The following WWOX variants were observed in gnomAD, a reference collection of about 807,000 sequenced individuals.
WWOX encodes WW domain-containing oxidoreductase.
Under a neutral mutation model 46.2 loss-of-function variants are expected in WWOX, and 69 were observed. The ratio of observed to expected loss-of-function variants is 1.49; its 90% CI spans 1.23 to 1.82. The LOEUF (loss-of-function observed/expected upper bound fraction) is 1.82. WWOX is among the 40% of genes most tolerant of loss of function. WWOX has a pLI of 0.00. For missense variants in WWOX, 919 were observed against 542.6 expected, an observed-to-expected ratio of 1.69 and a Z score of -6.89; for synonymous variants, 359 against 202.6, an observed-to-expected ratio of 1.77 and a Z score of -6.56.
At chr16:78,731,523 C>G (rs2048968580) in intron 8 of WWOX, among the ~76,000 whole-genome samples, 1 of 152,174 alleles carries the variant, frequency 6.6e-6, no homozygotes, top group Middle Eastern at 3.4e-3. Flanking sequence ...ATTCCTTTTT[C>G]CTTTCATTCC....
At chr16:78,566,536 C>T (rs982320715) in intron 8 of WWOX, among the ~76,000 whole-genome samples, 2 of 152,092 alleles carry the variant, frequency 1.3e-5, no homozygotes, top group African/African-American at 4.8e-5. Flanking sequence ...CAGGATGGTT[C>T]CAAGGACCAA....
At chr16:78,837,739 G>C (rs1215008427) in intron 8 of WWOX, among the ~76,000 whole-genome samples, 1 of 151,960 alleles carries the variant, frequency 6.6e-6, no homozygotes, top group East Asian at 1.9e-4. Flanking sequence ...ATTTTGACTT[G>C]GTAATTTGTA....
At chr16:78,721,162 C>G (rs914062900) in intron 8 of WWOX, among the ~76,000 whole-genome samples, 19 of 152,098 alleles carry the variant, frequency 1.2e-4, no homozygotes, top group African/African-American at 4.1e-4. Flanking sequence ...GGATATGTCC[C>G]ACAATTGGCA....
At chr16:78,187,692 T>C (rs942014274) in intron 5 of WWOX, among the ~76,000 whole-genome samples, 8 of 152,324 alleles carry the variant, frequency 5.3e-5, no homozygotes, top group African/African-American at 1.9e-4. Context: ...GGTGTGACAT[T>C]GTGTAACAGA....
chr16:78,411,598 A>C (rs1367390575), intron 6 of WWOX, among the ~76,000 whole-genome samples: 2 of 152,170 alleles, frequency 1.3e-5, no homozygotes, highest in Non-Finnish European at 2.9e-5. Flanking sequence ...TTTGTGTTTA[A>C]TTTAGCAGAC....
chr16:78,192,533 G>A (rs1371770456), intron 5 of WWOX, among the ~76,000 whole-genome samples: 1 of 150,336 alleles, frequency 6.7e-6, no homozygotes, highest in African/African-American at 2.4e-5. Context: ...AAAACAAATA[G>A]GACCCATATC....
chr16:78,818,976 T>C (rs2051419157), intron 8 of WWOX, among the ~76,000 whole-genome samples: 1 of 152,178 alleles, frequency 6.6e-6, no homozygotes, highest in Non-Finnish European at 1.5e-5. Flanking sequence ...AGCCACTTAA[T>C]CTCTCTAATC....
intron 8 of WWOX, among the ~76,000 whole-genome samples, chr16:78,600,206 G>T (rs533242098): frequency 1.3e-5 from 2 of 151,932 alleles, no homozygotes; most frequent in Admixed American, 6.6e-5. Context: ...ACGTTCCACC[G>T]GGGCCCTCCC....
chr16:78,794,096 T>G (rs1285294951), intron 8 of WWOX, among the ~76,000 whole-genome samples: 1 of 152,054 alleles, frequency 6.6e-6, no homozygotes, highest in Non-Finnish European at 1.5e-5. Flanking sequence ...TGGGGTCTTT[T>G]GGGAGATGAT....
At chr16:78,424,218 A>G (rs2151959458) in intron 6 of WWOX, among the ~76,000 whole-genome samples, 1 of 149,190 alleles carries the variant, frequency 6.7e-6, no homozygotes. Flanking sequence ...CCTGGGTTCA[A>G]GTGATTCTCC....
chr16:78,568,457 T>TA (rs1297929253), intron 8 of WWOX, among the ~76,000 whole-genome samples: 51 of 149,934 alleles, frequency 3.4e-4, no homozygotes, highest in African/African-American at 9.5e-4. Context: ...TTCTTTTTTT[T>TA]AAAAAAAAGC....
intron 8 of WWOX, among the ~76,000 whole-genome samples, chr16:79,191,154 A>C: frequency 6.6e-6 from 1 of 152,112 alleles, no homozygotes; most frequent in East Asian, 1.9e-4. Context: ...CTCGGGTTCA[A>C]GCGATTCTTC....
intron 8 of WWOX, among the ~76,000 whole-genome samples, chr16:78,797,800 C>G (rs2142635087): frequency 6.6e-6 from 1 of 152,218 alleles, no homozygotes; most frequent in Admixed American, 6.5e-5. Flanking sequence ...ACAGTCTGGG[C>G]AACATAGCAA....
intron 8 of WWOX, among the ~76,000 whole-genome samples, chr16:78,755,873 C>A (rs1415198412): frequency 6.6e-6 from 1 of 152,338 alleles, no homozygotes; most frequent in Non-Finnish European, 1.5e-5. Flanking sequence ...ATGCACCAGT[C>A]ATATCAAGAA....
chr16:78,118,825 G>A (rs1416571953), intron 4 of WWOX: 1 of 152,218 alleles, frequency 6.6e-6, no homozygotes, highest in African/African-American at 2.4e-5. Context: ...GAAGACTGTG[G>A]CAGCACATTG....
intron 8 of WWOX, among the ~76,000 whole-genome samples, chr16:78,579,669 A>G (rs558802743): frequency 6.6e-5 from 10 of 152,216 alleles, no homozygotes; most frequent in South Asian, 2.1e-4. Flanking sequence ...CTCTGTCTCT[A>G]TCACATTACC....
At chr16:78,347,501 C>G (rs1173374221) in intron 5 of WWOX, among the ~76,000 whole-genome samples, 1 of 118,038 alleles carries the variant, frequency 8.5e-6, no homozygotes, top group African/African-American at 2.9e-5. Flanking sequence ...TGCTATCCCT[C>G]CTCGACACCC....
chr16:79,059,092 A>G (rs919617588), intron 8 of WWOX, among the ~76,000 whole-genome samples: 22 of 152,246 alleles, frequency 1.4e-4, no homozygotes, highest in Non-Finnish European at 2.6e-4. Flanking sequence ...TGAAAATGAC[A>G]TTTTAAATTA....
At chr16:78,735,650 C>T (rs746061544) in intron 8 of WWOX, among the ~76,000 whole-genome samples, 11 of 152,348 alleles carry the variant, frequency 7.2e-5, no homozygotes, top group Non-Finnish European at 1.5e-4. Context: ...CCTCTCCCTG[C>T]TGCTGGCCTC....
Sources: allele counts gnomAD v4.1 joint callset (sites outside exome capture counted in the v4.1 genomes callset), GRCh38; gene constraint gnomAD v4.1.1; transcripts MANE v1.5; gene names NCBI Gene and HGNC (gene_info 2026-07-23, HGNC 2026-07-21).